SCN1A: variants seen among roughly 807,000 people sequenced by gnomAD.
SCN1A encodes the protein sodium channel protein type 1 subunit alpha.
SCN1A carries 13 observed loss-of-function variants against 193.7 expected under a neutral mutation model. The observed-to-expected ratio is 0.07, with a 90% confidence interval of 0.04 to 0.11. The LOEUF (loss-of-function observed/expected upper bound fraction) is 0.11. SCN1A is among the 10% of genes least tolerant of loss of function. The pLI is 1.00. For missense variants in SCN1A, 1,432 were observed against 2,451.1 expected (o/e 0.58, Z 8.78); for synonymous variants, 781 against 843.6 (o/e 0.93, Z 1.29).
intron 2 of SCN1A, among the ~76,000 whole-genome samples, chr2:166,094,059 AC>A (rs1429805736): frequency 6.6e-6 from 1 of 152,188 alleles, no homozygotes; most frequent in Non-Finnish European, 1.5e-5. Context: ...ACACACACAC[AC>A]ACACAAAAAT....
At chr2:166,041,778 G>A (rs1317217420) in intron 15 of SCN1A, among the ~76,000 whole-genome samples, 1 of 152,124 alleles carries the variant, frequency 6.6e-6, no homozygotes, top group Non-Finnish European at 1.5e-5. Context: ...CATGGTTTAG[G>A]GTGGTGTAGA....
Position 166,043,957 on chromosome 2 carries a change from T to A in SCN1A, c.1755A>T (p.Gly585=). 1 of 1,614,154 alleles carries A rather than the reference T, an allele frequency of 6.2e-7. No individual in the cohort carries two copies. ...FSFRGRAKDV[G]SENDFADDEH... is the part of the protein sequence containing the mutation. Reference sequence around the variant, plus strand: ...CATCATCTGCGAAGTCGTTCTCAGATCCCACATCCTTTGCTCGCCCTCTAA... The same window carrying A: ...CATCATCTGCGAAGTCGTTCTCAGAACCCACATCCTTTGCTCGCCCTCTAA... The change falls in exon 14 of 29, where the codon GGA becomes GGT. Residue 585 remains glycine (G), a synonymous_variant. Coordinates refer to ENST00000674923, the MANE Select transcript of SCN1A (RefSeq NM_001165963.4).
At chr2:166,135,080 A>G (rs1022721564) in intron 1 of SCN1A, among the ~76,000 whole-genome samples, 6 of 151,976 alleles carry the variant, frequency 3.9e-5, no homozygotes, top group African/African-American at 1.4e-4. Context: ...TTCTTTCCTG[A>G]TTTATTTCAT....
At chr2:166,117,451 T>A (rs1466736165) in intron 2 of SCN1A, among the ~76,000 whole-genome samples, 2 of 152,254 alleles carry the variant, frequency 1.3e-5, no homozygotes, top group Non-Finnish European at 2.9e-5. Flanking sequence ...TTCATTTATT[T>A]ATTTACTTAT....
intron 2 of SCN1A, among the ~76,000 whole-genome samples, chr2:166,112,752 C>T (rs1381369497): frequency 6.6e-6 from 1 of 152,120 alleles, no homozygotes; most frequent in Non-Finnish European, 1.5e-5. Context: ...CTGAGGGCCC[C>T]TACATAGCTT....
Position 166,048,942 on chromosome 2 carries a change from A to G in SCN1A, c.972T>C (p.His324=), listed in dbSNP as rs886042203. 7 of 1,599,766 alleles carry G rather than the reference A, an allele frequency of 4.4e-6. No individual in the cohort carries two copies. The African/African-American group carries it at 5.4e-5, about 12-fold the overall frequency. ...WKSYIQDSRY[H]YFLEGFLDAL... The stretch of plus-strand genomic sequence containing the variant: ...CATCTAAAAAACCCTCCAGGAAATA[A>G]TGATATCCTGTTTGAAAAAAGAAAG... The change falls in exon 10 of 29, where the codon CAT becomes CAC. Residue 324 remains histidine (H), a synonymous_variant. Coordinates refer to ENST00000674923, the MANE Select transcript of SCN1A (RefSeq NM_001165963.4).
chr2:166,003,781 T>G (rs514525), intron 23 of SCN1A, among the ~76,000 whole-genome samples: 2 of 151,656 alleles, frequency 1.3e-5, no homozygotes, highest in Non-Finnish European at 3.0e-5. Context: ...GTATTATTCT[T>G]GTCAGTCTGA....
At chr2:166,103,143 C>T (rs2106154922) in intron 2 of SCN1A, among the ~76,000 whole-genome samples, 1 of 151,868 alleles carries the variant, frequency 6.6e-6, no homozygotes, top group South Asian at 2.1e-4. Flanking sequence ...AGTTGAATAG[C>T]AATATATTAT....
At chr2:165,999,985 T>C in intron 24 of SCN1A, 4 of 582,608 alleles carry the variant, frequency 6.9e-6, no homozygotes. Flanking sequence ...CCATTTGATA[T>C]ATCCTCCCCT....
chr2:166,016,424 T>C (rs1014269124), intron 19 of SCN1A: 1 of 152,084 alleles, frequency 6.6e-6, no homozygotes, highest in Non-Finnish European at 1.5e-5. Flanking sequence ...ATCATGTTTA[T>C]GTTAATGTGC....
intron 4 of SCN1A, chr2:166,071,894 A>C (rs907324517): frequency 6.6e-6 from 1 of 151,004 alleles, no homozygotes; most frequent in Admixed American, 6.6e-5. Flanking sequence ...CGTCTCAAAA[A>C]GAAAAAAAAA....
intron 22 of SCN1A, 50 bp downstream of exon 22, chr2:166,012,059 A>T (rs927721630): frequency 1.3e-6 from 2 of 1,545,478 alleles, no homozygotes; most frequent in Non-Finnish European, 1.8e-6. Flanking sequence ...ATTTGAATAT[A>T]AATAAGACAA....
At chr2:166,049,559 A>G (rs1698298152) in intron 9 of SCN1A, among the ~76,000 whole-genome samples, 1 of 152,038 alleles carries the variant, frequency 6.6e-6, no homozygotes, top group South Asian at 2.1e-4. Context: ...CTTAAATACT[A>G]AAGCTAAAAT....
chr2:166,092,970 C>T (rs1224134917), intron 2 of SCN1A, among the ~76,000 whole-genome samples: 1 of 151,956 alleles, frequency 6.6e-6, no homozygotes, highest in Non-Finnish European at 1.5e-5. Flanking sequence ...ACTCTTTCAC[C>T]CCTTTCCCAT....
At chr2:166,065,491 T>G (rs11686142) in intron 4 of SCN1A, among the ~76,000 whole-genome samples, 21,667 of 152,136 alleles carry the variant, frequency 0.14, 1,867 homozygotes, top group East Asian at 0.36. Context: ...TCATTTGTCA[T>G]AGCCTGTGAG....
chr2:166,113,869 C>T (rs1293756732), intron 2 of SCN1A, among the ~76,000 whole-genome samples: 2 of 152,032 alleles, frequency 1.3e-5, no homozygotes, highest in Non-Finnish European at 2.9e-5. Flanking sequence ...CACAAATATA[C>T]AAAAATTTTT....
intron 2 of SCN1A, among the ~76,000 whole-genome samples, chr2:166,087,330 G>C (rs1665152688): frequency 6.6e-6 from 1 of 152,132 alleles, no homozygotes; most frequent in Non-Finnish European, 1.5e-5. Flanking sequence ...GCTGGGCATG[G>C]TGGTGCATGC....
At chr2:166,024,426 G>T (rs372788206) in intron 19 of SCN1A, among the ~76,000 whole-genome samples, 1 of 152,090 alleles carries the variant, frequency 6.6e-6, no homozygotes, top group African/African-American at 2.4e-5. Context: ...TCTGAGATTT[G>T]TGTTAAGTAT....
At chr2:166,114,732 A>G (rs2106211986) in intron 2 of SCN1A, among the ~76,000 whole-genome samples, 1 of 152,342 alleles carries the variant, frequency 6.6e-6, no homozygotes, top group East Asian at 1.9e-4. Context: ...ATGTAAAACT[A>G]CAAGGAAATA....
Sources: gnomAD v4.1 joint callset for allele counts (sites outside exome capture counted in the v4.1 genomes callset) on GRCh38, gnomAD v4.1.1 for gene constraint, MANE v1.5 for transcripts, NCBI Gene and HGNC (gene_info 2026-07-23, HGNC 2026-07-21) for gene names.